ECT2L: variants seen among roughly 807,000 people sequenced by gnomAD.
The protein encoded by ECT2L is epithelial cell transforming 2 like, also known as epithelial cell-transforming sequence 2 oncogene-like.
In ECT2L, 126 loss-of-function variants were observed where a neutral mutation model predicts 122.8. The ratio of observed to expected loss-of-function variants is 1.03; its 90% CI spans 0.89 to 1.19. The LOEUF is 1.19. Ranked by LOEUF, ECT2L falls within the 50% of genes most tolerant of loss-of-function variation. The pLI, the probability that ECT2L is intolerant of heterozygous loss-of-function variation, is 0.00. For missense variants in ECT2L, 1,012 were observed against 1,064.1 expected (o/e 0.95, Z 0.68); for synonymous variants, 385 against 381.8 (o/e 1.01, Z -0.10).
intron 4 of ECT2L, among the ~76,000 whole-genome samples, chr6:138,836,602 A>G (rs1309734518): frequency 2.0e-5 from 3 of 151,922 alleles, no homozygotes; most frequent in Non-Finnish European, 4.4e-5. Context: ...ACCTGAAGCA[A>G]TTATTACTAT....
chr6:138,886,760 G>A, intron 18 of ECT2L, 97 bp from the exon 19 acceptor site: 1 of 849,132 alleles, frequency 1.2e-6, no homozygotes, highest in Non-Finnish European at 1.9e-6. Context: ...AAAATACCAA[G>A]CCCTGTATCA....
chr6:138,827,940 C>CT (rs1308293909), intron 4 of ECT2L, among the ~76,000 whole-genome samples: 20 of 68,882 alleles, frequency 2.9e-4, no homozygotes, highest in African/African-American at 1.2e-3. Context: ...TTATAAAGGA[C>CT]TATTTTTTTT....
intron 10 of ECT2L, 108 bp downstream of exon 10, chr6:138,854,262 C>T (rs1250817582): frequency 2.3e-6 from 3 of 1,299,940 alleles, no homozygotes; most frequent in Non-Finnish European, 3.1e-6. Flanking sequence ...ACATTTCACG[C>T]TTCAATTTCT....
chr6:138,818,142 T>C (rs887173522), intron 4 of ECT2L, among the ~76,000 whole-genome samples: 8 of 152,060 alleles, frequency 5.3e-5, no homozygotes, highest in Admixed American at 2.0e-4. Context: ...CCTGGATGGG[T>C]GGGGCAGCAT....
Position 138,902,930 on chromosome 6 carries a change from G to A in ECT2L, c.*303G>A, listed in dbSNP as rs374023039. The A allele has an allele frequency of 1.8e-5, 5 of 273,950 alleles. No homozygotes were observed. The highest frequency in any genetic ancestry group is 1.3e-4 in the South Asian group (3 of 22,382). 17.0% of individuals were successfully genotyped at this position (273,950 alleles called of 1,614,324 possible). On this transcript the variant is annotated 3_prime_UTR_variant, in exon 22 of 22. Transcript: ENST00000541398. ...ACCTAAGACAGAGCAAGCACATTGT[G>A]TAAAGCTTTGTTTTATGATCTAATG... is the stretch of plus-strand genomic sequence containing the variant.
In ECT2L at chr6:138,900,995, C is replaced by T; in HGVS notation, c.2462C>T (p.Ala821Val). The T allele has an allele frequency of 1.2e-6, 2 of 1,614,166 alleles. No individual in the cohort carries two copies. Among genetic ancestry groups the T allele is most frequent in the Non-Finnish European group, 1.7e-6 (2 of 1,180,022 alleles). Reference sequence around the variant, plus strand: ...CTCAGCCTTTTCCTCTTCAATGATGCCCTGCTCGTTTCTAGTCGGGGCACA... The same window carrying T: ...CTCAGCCTTTTCCTCTTCAATGATGTCCTGCTCGTTTCTAGTCGGGGCACA... ...HDLSLFLFND[A>V]LLVSSRGTSH... The change falls in exon 21 of 22, where the codon GCC (alanine) becomes GTC (valine). Residue 821 changes from alanine (A) to valine (V), a missense_variant. Transcript: ENST00000541398.
At chr6:138,894,048 G>A (rs1320960271) in intron 20 of ECT2L, among the ~76,000 whole-genome samples, 1 of 152,064 alleles carries the variant, frequency 6.6e-6, no homozygotes, top group Non-Finnish European at 1.5e-5. Context: ...CAACTTCCAA[G>A]CTCTTTCTTT....
At chr6:138,806,791 T>C (rs967238381) in intron 1 of ECT2L, among the ~76,000 whole-genome samples, 1 of 151,512 alleles carries the variant, frequency 6.6e-6, no homozygotes, top group Non-Finnish European at 1.5e-5. Context: ...GGGATTACAG[T>C]CGTGAGCCAC....
intron 8 of ECT2L, 52 bp downstream of exon 8, chr6:138,846,729 T>G (rs747307455): frequency 2.1e-6 from 3 of 1,405,938 alleles, no homozygotes; most frequent in Non-Finnish European, 2.8e-6. Flanking sequence ...TTGTTTTTTG[T>G]TTTTTTTCAT....
chr6:138,866,251 G>A (rs1389582071), intron 12 of ECT2L, among the ~76,000 whole-genome samples: 1 of 151,712 alleles, frequency 6.6e-6, no homozygotes, highest in African/African-American at 2.4e-5. Context: ...CAGTTCAAGG[G>A]ATTCTCCTCC....
At chr6:138,860,230 A>G (rs1777775462) in intron 10 of ECT2L, among the ~76,000 whole-genome samples, 1 of 152,178 alleles carries the variant, frequency 6.6e-6, no homozygotes, top group Non-Finnish European at 1.5e-5. Flanking sequence ...AAAGGCCACT[A>G]AGATTTTCTC....
At position 138,885,531 on chromosome 6, in the gene ECT2L, G is replaced by T. The variant is rs754540928; in HGVS notation, c.2054G>T (p.Arg685Leu). Residue 685 changes from arginine to leucine, a missense_variant, in exon 17 of 22, where the codon CGA (arginine) becomes CTA (leucine). By Grantham distance (102) the Arg-to-Leu change is moderately radical. Transcript: ENST00000541398. ...TGCAGAGAAATGATACCAGCATTCC[G>T]AACTTTCCTGAAGAGGCATGATAAG... ...EKCREMIPAFRTFLKRHDKTI... is the reference protein window; with the variant it reads ...EKCREMIPAFLTFLKRHDKTI... 6 of 1,614,080 alleles carry T rather than the reference G, an allele frequency of 3.7e-6. No individual in the cohort carries two copies. The highest frequency in any genetic ancestry group is 1.1e-5 in the South Asian group (1 of 91,074).
chr6:138,855,464 G>T (rs1279934296), intron 10 of ECT2L, among the ~76,000 whole-genome samples: 2 of 151,928 alleles, frequency 1.3e-5, no homozygotes, highest in Non-Finnish European at 2.9e-5. Context: ...AGCCAAGATC[G>T]CACCACTACA....
chr6:138,860,482 T>C (rs1185388134), intron 10 of ECT2L, among the ~76,000 whole-genome samples: 1 of 151,484 alleles, frequency 6.6e-6, no homozygotes, highest in South Asian at 2.1e-4. Flanking sequence ...CTTGATTTCA[T>C]TGATGAATTT....
chr6:138,879,939 T>G, intron 14 of ECT2L, among the ~76,000 whole-genome samples: 1 of 151,368 alleles, frequency 6.6e-6, no homozygotes. Context: ...GAAAAGAGAG[T>G]AAGACTCCAT....
At chr6:138,811,506 A>G (rs1775893751) in intron 1 of ECT2L, among the ~76,000 whole-genome samples, 1 of 152,188 alleles carries the variant, frequency 6.6e-6, no homozygotes, top group South Asian at 2.1e-4. Context: ...CCTATAAGGA[A>G]TAAAGGTTAA....
intron 1 of ECT2L, among the ~76,000 whole-genome samples, chr6:138,810,515 G>T (rs1206701894): frequency 3.3e-5 from 5 of 152,178 alleles, no homozygotes; most frequent in African/African-American, 1.2e-4. Flanking sequence ...AAACAATTGT[G>T]GCAAATAGCA....
At chr6:138,852,115 A>C (rs2128394523) in intron 9 of ECT2L, among the ~76,000 whole-genome samples, 1 of 152,268 alleles carries the variant, frequency 6.6e-6, no homozygotes, top group African/African-American at 2.4e-5. Flanking sequence ...CCATCTGTAC[A>C]AAAAATACAA....
chr6:138,821,884 T>TG (rs1158006403), intron 4 of ECT2L, among the ~76,000 whole-genome samples: 1 of 152,234 alleles, frequency 6.6e-6, no homozygotes, highest in African/African-American at 2.4e-5. Context: ...GAGGCTCCAC[T>TG]GCTGGGTTTG....
Sources: allele counts gnomAD v4.1 joint callset (sites outside exome capture counted in the v4.1 genomes callset), GRCh38; gene constraint gnomAD v4.1.1; transcripts MANE v1.5; gene names NCBI Gene and HGNC (gene_info 2026-07-23, HGNC 2026-07-21).